VIM: variants seen among roughly 807,000 people sequenced by gnomAD.
VIM encodes the protein vimentin, also known as epididymis secretory sperm binding protein.
Under a neutral mutation model 50.3 loss-of-function variants are expected in VIM, and 18 were observed. The ratio of observed to expected loss-of-function variants is 0.36; its 90% CI spans 0.25 to 0.53. The LOEUF (loss-of-function observed/expected upper bound fraction) is 0.53, where lower values mean the gene tolerates loss of function less well. VIM is among the 20% of genes least tolerant of loss of function. The pLI is 0.91. For synonymous variants in VIM, 245 were observed against 248.5 expected (o/e 0.99, Z 0.13); for missense variants, 551 against 614.7 (o/e 0.90, Z 1.10).
At position 17,229,292 on chromosome 10, in the gene VIM, C is replaced by T; in HGVS notation, c.-131C>T. 1.0e-6 allele frequency: 1 copy of T among 971,070 alleles called. No individual in the cohort carries two copies. The highest frequency in any genetic ancestry group is 2.6e-5 in the East Asian group (1 of 38,128). 60.2% of individuals were successfully genotyped at this position (971,070 alleles called of 1,614,324 possible). On this transcript the variant is annotated 5_prime_UTR_variant, in exon 2 of 10. Transcript: ENST00000544301. ...GGGGTCCAGTCCTCTGCCACTCTCGCTCCGAGGTCCCCGCGCCAGAGACGC... is the reference window on the plus strand; with the variant it reads ...GGGGTCCAGTCCTCTGCCACTCTCGTTCCGAGGTCCCCGCGCCAGAGACGC...
chr10:17,235,577 C>T (rs943725990), intron 7 of VIM, 188 bp downstream of exon 7: 7 of 747,316 alleles, frequency 9.4e-6, no homozygotes, highest in African/African-American at 1.7e-5. Context: ...GGTTAATCAA[C>T]AGCAGAGCTG....
chr10:17,230,669 CAG>C lies in VIM; in HGVS notation c.590_591del (p.Glu197GlyfsTer14). ...TTTCAGATTGCAGGAGGAGATGCTT[CAG>C]AGAGAGGAAGCCGAAAACACCCTGC... ...LREKLQEEML[Q>X]REEAENTLQS... On this transcript the variant is annotated frameshift_variant, in exon 3 of 10. Coordinates refer to ENST00000544301, the MANE Select transcript of VIM (RefSeq NM_003380.5). LOFTEE classifies it high-confidence loss of function. The C allele has an allele frequency of 6.2e-7, 1 of 1,614,168 alleles. No homozygotes were observed. Among genetic ancestry groups the C allele is most frequent in the Non-Finnish European group, 8.5e-7 (1 of 1,180,030 alleles).
chr10:17,232,959 A>AT (rs1564373857), intron 3 of VIM, among the ~76,000 whole-genome samples: 1 of 152,162 alleles, frequency 6.6e-6, no homozygotes, highest in Non-Finnish European at 1.5e-5. Flanking sequence ...GAATTACTTT[A>AT]TTTTTTGAGA....
Position 17,233,890 on chromosome 10 carries a change from G to A in VIM, c.841G>A (p.Ala281Thr). Residue 281 changes from alanine (A) to threonine (T), a missense_variant, in exon 5 of 10, where the codon GCC becomes ACC. Ala to Thr is a moderately conservative substitution (Grantham distance 58, BLOSUM62 0). Transcript: ENST00000544301. ...DVRQQYESVA[A>T]KNLQEAEEWY... Reference sequence around the variant, plus strand: ...ACGTCAGCAATATGAAAGTGTGGCTGCCAAGAACCTGCAGGAGGCAGAAGA... The same window carrying A: ...ACGTCAGCAATATGAAAGTGTGGCTACCAAGAACCTGCAGGAGGCAGAAGA... 2 of 1,614,132 alleles carry A rather than the reference G, an allele frequency of 1.2e-6. No homozygotes were observed. Among genetic ancestry groups the A allele is most frequent in the Non-Finnish European group, 1.7e-6 (2 of 1,180,010 alleles).
Position 17,228,243 on chromosome 10 carries a change from G to C in VIM, c.-429G>C, listed in dbSNP as rs775749306. The C allele has an allele frequency of 6.6e-6, 1 of 152,206 alleles. No individual in the cohort carries two copies. The highest frequency in any genetic ancestry group is 1.5e-5 in the Non-Finnish European group (1 of 68,052). 9.4% of individuals were successfully genotyped at this position (152,206 alleles called of 1,614,324 possible). A position where few individuals can be genotyped will look rare whatever the true frequency, so the allele number is the denominator to read the frequency against. ...CCTTCCCGGTGCAATCGTGATCTGG[G>C]AGGCCCACGTATGGCGCCTCTCCAA... On this transcript the variant is annotated 5_prime_UTR_variant, in exon 1 of 10. Transcript: ENST00000544301.
At position 17,234,034 on chromosome 10, in the gene VIM, G is replaced by A. The variant is rs1588735018; in HGVS notation, c.882+103G>A. 1.2e-5 allele frequency: 18 copies of A among 1,504,988 alleles called. No individual in the cohort carries two copies. In the East Asian group the frequency reaches 4.4e-4, roughly 37 times the overall value. 93.2% of individuals were successfully genotyped at this position (1,504,988 alleles called of 1,614,324 possible). A position where few individuals can be genotyped will look rare whatever the true frequency, so the allele number is the denominator to read the frequency against. On this transcript the variant is annotated intron_variant, in intron 5 of 9. Coordinates refer to ENST00000544301, the MANE Select transcript of VIM (RefSeq NM_003380.5). Reference sequence around the variant, plus strand: ...AAATATCCTCTAGCTCCAATGCAAAGCTGGCTTTGACTTCTTGCTCATATT... The same window carrying A: ...AAATATCCTCTAGCTCCAATGCAAAACTGGCTTTGACTTCTTGCTCATATT...
intron 9 of VIM, 131 bp downstream of exon 9, chr10:17,236,510 A>C: frequency 1.3e-6 from 1 of 790,884 alleles, no homozygotes; most frequent in South Asian, 1.4e-5. Context: ...CCTACTAAAA[A>C]AAGAATAGGC....
chr10:17,233,891 C>T lies in VIM; in HGVS notation c.842C>T (p.Ala281Val), dbSNP rs772585290. The T allele has an allele frequency of 5.6e-6, 9 of 1,614,024 alleles. No individual in the cohort carries two copies. The highest frequency in any genetic ancestry group is 7.6e-6 in the Non-Finnish European group (9 of 1,179,990). Residue 281 changes from alanine (A) to valine (V), a missense_variant, in exon 5 of 10, where the codon GCC becomes GTC. Physicochemically the swap from Ala to Val is moderately conservative, Grantham distance 64. Around this residue, in one of 3 missense-constraint regions of VIM, gnomAD observed 394 missense variants for 437.5 expected, o/e 0.90. Coordinates refer to ENST00000544301, the MANE Select transcript of VIM (RefSeq NM_003380.5). ...CGTCAGCAATATGAAAGTGTGGCTG[C>T]CAAGAACCTGCAGGAGGCAGAAGAA... Reference protein sequence around the residue: ...DVRQQYESVAAKNLQEAEEWY... With the variant: ...DVRQQYESVAVKNLQEAEEWY...
chr10:17,233,730 A>C, intron 4 of VIM, 40 bp from the exon 5 acceptor site: 1 of 1,614,140 alleles, frequency 6.2e-7, no homozygotes, highest in South Asian at 1.1e-5. Context: ...GGCAGCCCCC[A>C]CGGTTGGCAG....
intron 8 of VIM, 103 bp from the exon 9 acceptor site, chr10:17,236,191 T>C (rs1391334637): frequency 1.1e-5 from 11 of 980,812 alleles, no homozygotes; most frequent in South Asian, 9.0e-5. Flanking sequence ...CTTTACACAA[T>C]TGCCTCTCCC....
chr10:17,235,693 A>G (rs1846875142), intron 7 of VIM, 153 bp from the exon 8 acceptor site: 1 of 799,694 alleles, frequency 1.3e-6, no homozygotes, highest in Non-Finnish European at 2.1e-6. Flanking sequence ...TAACAAGACC[A>G]GTCATGGGAA....
intron 7 of VIM, 99 bp from the exon 8 acceptor site, chr10:17,235,747 C>G: frequency 2.6e-6 from 3 of 1,145,378 alleles, no homozygotes; most frequent in African/African-American, 3.0e-5. Flanking sequence ...TAAAACAGTA[C>G]GTTTTCTTAC....
chr10:17,229,740 G>C lies in VIM; in HGVS notation c.318G>C (p.Glu106Asp). ...ACACCCGCACCAACGAGAAGGTGGA[G>C]CTGCAGGAGCTGAATGACCGCTTCG... ...FKNTRTNEKV[E>D]LQELNDRFAN... Residue 106 changes from glutamate to aspartate, a missense_variant, in exon 2 of 10, where the codon GAG (glutamate) becomes GAC (aspartate). Glu to Asp is a conservative substitution (Grantham distance 45, BLOSUM62 2). Transcript: ENST00000544301. 6.3e-7 allele frequency: 1 copy of C among 1,583,870 alleles called. No individual in the cohort carries two copies. Among genetic ancestry groups the C allele is most frequent in the Non-Finnish European group, 8.6e-7 (1 of 1,164,136 alleles).
Position 17,229,610 on chromosome 10 carries a change from C to G in VIM, c.188C>G (p.Thr63Arg). The change falls in exon 2 of 10, where the codon ACG becomes AGG. Residue 63 changes from threonine to arginine, a missense_variant. By Grantham distance (71) the Thr-to-Arg change is moderately conservative. Around this residue, in one of 3 missense-constraint regions of VIM, gnomAD observed 134 missense variants for 126.4 expected, o/e 1.06. Transcript: ENST00000544301. ...YASSPGGVYA[T>R]RSSAVRLRSS... ...TCGTCCCCGGGCGGCGTGTATGCCA[C>G]GCGCTCCTCTGCCGTGCGCCTGCGG... is the stretch of plus-strand genomic sequence containing the variant. 6.3e-7 allele frequency: 1 copy of G among 1,599,868 alleles called. No individual in the cohort carries two copies. Among genetic ancestry groups the G allele is most frequent in the Non-Finnish European group, 8.5e-7 (1 of 1,173,912 alleles).
intron 7 of VIM, 62 bp downstream of exon 7, chr10:17,235,451 T>A: frequency 4.5e-6 from 7 of 1,541,326 alleles, no homozygotes; most frequent in African/African-American, 1.4e-5. Flanking sequence ...CCTGTGCCAC[T>A]GGGCTCTAAG....
intron 5 of VIM, 102 bp downstream of exon 5, chr10:17,234,033 A>C (rs1846844283): frequency 6.6e-7 from 1 of 1,510,288 alleles, no homozygotes; most frequent in African/African-American, 1.4e-5. Flanking sequence ...TCCAATGCAA[A>C]GCTGGCTTTG....
chr10:17,233,987 C>G lies in VIM; in HGVS notation c.882+56C>G, dbSNP rs1215610509. ...AAGAAAAGCATTGTGTTCTCAAAAC[C>G]CCATACCTGTGTGTGATTCCTAAAT... On this transcript the variant is annotated intron_variant, in intron 5 of 9. Transcript: ENST00000544301. 6 of 1,563,308 alleles carry G rather than the reference C, an allele frequency of 3.8e-6. No individual in the cohort carries two copies. In the South Asian group the frequency reaches 7.0e-5, roughly 18 times the overall value.
At position 17,233,857 on chromosome 10, in the gene VIM, C is replaced by T; in HGVS notation, c.808C>T (p.Arg270Cys). The T allele has an allele frequency of 6.2e-7, 1 of 1,614,122 alleles. No individual in the cohort carries two copies. The highest frequency in any genetic ancestry group is 8.5e-7 in the Non-Finnish European group (1 of 1,180,020). ...VSKPDLTAAL[R>C]DVRQQYESVA... The stretch of plus-strand genomic sequence containing the variant: ...CAAGCCTGACCTCACGGCTGCCCTG[C>T]GTGACGTACGTCAGCAATATGAAAG... The change falls in exon 5 of 10, where the codon CGT (arginine) becomes TGT (cysteine). Residue 270 changes from arginine to cysteine, a missense_variant. Around this residue, in one of 3 missense-constraint regions of VIM, gnomAD observed 394 missense variants for 437.5 expected, o/e 0.90. Transcript: ENST00000544301.
Position 17,237,415 on chromosome 10 carries a change from T to A in VIM, c.*144T>A. On this transcript the variant is annotated 3_prime_UTR_variant, in exon 10 of 10. Transcript: ENST00000544301. ...TGGAATAGGAATAAGCTCTAGTTCT[T>A]AACAACCGACACTCCTACAAGATTT... 2 of 752,542 alleles carry A rather than the reference T, an allele frequency of 2.7e-6. No individual in the cohort carries two copies. Among genetic ancestry groups the A allele is most frequent in the South Asian group, 3.5e-5 (2 of 56,908 alleles). 46.6% of individuals were successfully genotyped at this position (752,542 alleles called of 1,614,324 possible).
Sources: gnomAD v4.1 joint callset for allele counts (sites outside exome capture counted in the v4.1 genomes callset) on GRCh38, gnomAD v4.1.1 for gene constraint, gnomAD v4.1.1 regional missense constraint, MANE v1.5 for transcripts, NCBI Gene and HGNC (gene_info 2026-07-23, HGNC 2026-07-21) for gene names.